Variants in RABGAP1L observed in about 807,000 individuals in gnomAD.
The protein encoded by RABGAP1L is RAB GTPase activating protein 1 like.
Under a neutral mutation model 137.7 loss-of-function variants are expected in RABGAP1L, and 63 were observed. That is an observed-to-expected ratio of 0.46 (90% CI 0.37 to 0.56). The LOEUF is 0.56. Among genes scored for constraint, RABGAP1L ranks in the 20% least tolerant of loss-of-function variants. The pLI, the probability that RABGAP1L is intolerant of heterozygous loss-of-function variation, is 0.00. For missense variants in RABGAP1L, 1,095 were observed against 1,244.0 expected, an observed-to-expected ratio of 0.88 and a Z score of 1.80; for synonymous variants, 431 against 433.7, an observed-to-expected ratio of 0.99 and a Z score of 0.08.
Position 174,169,512 on chromosome 1 carries a change from G to T in RABGAP1L, c.-34+9855G>T, listed in dbSNP as rs541363582. 4.0e-4 allele frequency among the ~76,000 whole-genome samples: 61 copies of T among 152,224 alleles called. 1 individual carries two copies. Among genetic ancestry groups the T allele is most frequent in the Middle Eastern group, 6.8e-3 (2 of 294 alleles). ...TGGGATTACAGGCGTGAGTGACTGT[G>T]CCTGGCCCAGATAAAGTTTTTTTAA... On this transcript the variant is annotated intron_variant, in intron 1 of 25. Transcript: ENST00000681986.
intron 11 of RABGAP1L, among the ~76,000 whole-genome samples, chr1:174,329,975 T>C (rs1680885139): frequency 6.6e-6 from 1 of 152,068 alleles, no homozygotes; most frequent in South Asian, 2.1e-4. Context: ...GAAAACTTTT[T>C]CTCTGATTTC....
chr1:174,848,913 T>G (rs200050884), intron 19 of RABGAP1L, among the ~76,000 whole-genome samples: 31,290 of 149,820 alleles, frequency 0.21, 3,320 homozygotes, highest in Admixed American at 0.24. Flanking sequence ...GAGCCAGGTG[T>G]GGGATATAGT....
chr1:174,879,103 T>G (rs1387079175), intron 19 of RABGAP1L, among the ~76,000 whole-genome samples: 2 of 149,646 alleles, frequency 1.3e-5, no homozygotes, highest in African/African-American at 2.4e-5. Context: ...CCTGGCTGTT[T>G]TTTTTTTTTT....
intron 13 of RABGAP1L, among the ~76,000 whole-genome samples, chr1:174,539,897 A>G (rs1192987729): frequency 1.3e-5 from 2 of 152,222 alleles, no homozygotes; most frequent in East Asian, 3.8e-4. Context: ...GAACTAGTTT[A>G]TAGTCCCACC....
chr1:174,488,007 A>G (rs192889655), intron 13 of RABGAP1L, among the ~76,000 whole-genome samples: 1 of 152,104 alleles, frequency 6.6e-6, no homozygotes, highest in Non-Finnish European at 1.5e-5. Context: ...AGTAGTTACT[A>G]TTTTCTGTTG....
At chr1:174,431,293 C>T (rs990609807) in intron 13 of RABGAP1L, among the ~76,000 whole-genome samples, 6 of 151,886 alleles carry the variant, frequency 4.0e-5, no homozygotes, top group Non-Finnish European at 8.8e-5. Context: ...TATGGGATTT[C>T]ATTGATATAA....
intron 2 of RABGAP1L, 122 bp downstream of exon 2, chr1:174,219,417 A>G: frequency 1.5e-6 from 1 of 680,748 alleles, no homozygotes; most frequent in Non-Finnish European, 2.2e-6. Context: ...TCAATGTTTG[A>G]TTTATCCAGA....
intron 19 of RABGAP1L, among the ~76,000 whole-genome samples, chr1:174,835,375 A>T (rs982113724): frequency 2.3e-4 from 35 of 152,236 alleles, no homozygotes; most frequent in Admixed American, 1.8e-3. Flanking sequence ...ACAAGTCAGG[A>T]TGTAATGATA....
At chr1:174,623,204 G>C (rs1448315581) in intron 13 of RABGAP1L, among the ~76,000 whole-genome samples, 1 of 152,268 alleles carries the variant, frequency 6.6e-6, no homozygotes, top group East Asian at 1.9e-4. Flanking sequence ...TTTTGTTAAT[G>C]TCAGAGGAAA....
intron 16 of RABGAP1L, chr1:174,700,966 T>C: frequency 1.0e-6 from 1 of 960,998 alleles, no homozygotes; most frequent in South Asian, 1.8e-5. Context: ...CTGTTAGCAG[T>C]TTTTTTTCAG....
chr1:174,818,708 T>C (rs1169128433), intron 19 of RABGAP1L, among the ~76,000 whole-genome samples: 1 of 151,780 alleles, frequency 6.6e-6, no homozygotes, highest in Admixed American at 6.6e-5. Flanking sequence ...AGACCCCATC[T>C]CTACAAAATA....
intron 10 of RABGAP1L, among the ~76,000 whole-genome samples, chr1:174,300,805 T>C: frequency 6.6e-6 from 1 of 151,922 alleles, no homozygotes. Flanking sequence ...GGAAGAGGTT[T>C]CAGTGAGCCA....
intron 13 of RABGAP1L, among the ~76,000 whole-genome samples, chr1:174,430,931 T>C (rs1652558336): frequency 6.6e-6 from 1 of 152,236 alleles, no homozygotes; most frequent in South Asian, 2.1e-4. Context: ...CAAGGTTTGA[T>C]CATTCTATAC....
Position 174,179,283 on chromosome 1 carries a change from A to G in RABGAP1L, c.-34+19626A>G, listed in dbSNP as rs148830155. 3.9e-3 allele frequency among the ~76,000 whole-genome samples: 592 copies of G among 152,278 alleles called. 6 individuals are homozygous for G. The highest frequency in any genetic ancestry group is 0.014 in the African/African-American group (572 of 41,562). ...TTCCATTGAGAGAAAATGTCTTCCAAATACCCAAGTCCTTACAACTATAGT... is the reference window on the plus strand; with the variant it reads ...TTCCATTGAGAGAAAATGTCTTCCAGATACCCAAGTCCTTACAACTATAGT... On this transcript the variant is annotated intron_variant, in intron 1 of 25. Coordinates refer to ENST00000681986, the MANE Select transcript of RABGAP1L (RefSeq NM_001366446.1).
At chr1:174,658,792 T>G (rs1374254520) in intron 14 of RABGAP1L, among the ~76,000 whole-genome samples, 3 of 152,202 alleles carry the variant, frequency 2.0e-5, no homozygotes, top group Non-Finnish European at 4.4e-5. Flanking sequence ...CTTAATTACT[T>G]TTTAAAGATG....
chr1:174,797,202 T>G (rs1688307330), intron 18 of RABGAP1L, among the ~76,000 whole-genome samples: 1 of 152,054 alleles, frequency 6.6e-6, no homozygotes, highest in African/African-American at 2.4e-5. Context: ...GCTAGTACTT[T>G]TCAAGACCAA....
At chr1:174,895,413 A>G (rs956665947) in intron 19 of RABGAP1L, among the ~76,000 whole-genome samples, 4 of 130,318 alleles carry the variant, frequency 3.1e-5, no homozygotes, top group African/African-American at 1.5e-4. Context: ...AGCCTATTCT[A>G]ATTCTTTTTT....
chr1:174,512,922 A>C (rs1300202145), intron 13 of RABGAP1L, among the ~76,000 whole-genome samples: 1 of 152,204 alleles, frequency 6.6e-6, no homozygotes, highest in South Asian at 2.1e-4. Flanking sequence ...AGAGATATAC[A>C]TACAAATTTT....
chr1:174,613,795 C>G (rs1233780217), intron 13 of RABGAP1L, among the ~76,000 whole-genome samples: 1 of 152,096 alleles, frequency 6.6e-6, no homozygotes, highest in African/African-American at 2.4e-5. Context: ...TGAATTGATC[C>G]CTTTACCATT....
Sources: allele counts gnomAD v4.1 joint callset (sites outside exome capture counted in the v4.1 genomes callset), GRCh38; gene constraint gnomAD v4.1.1; transcripts MANE v1.5; gene names NCBI Gene and HGNC (gene_info 2026-07-23, HGNC 2026-07-21).